Variants in IFI44 observed in about 807,000 individuals in gnomAD.
IFI44 encodes interferon induced protein 44, also known as interferon-induced protein 44.
IFI44 carries 42 observed loss-of-function variants against 45.0 expected under a neutral mutation model. The observed-to-expected ratio is 0.93, with a 90% CI of 0.73 to 1.21. IFI44 has a LOEUF of 1.21. IFI44 is among the 50% of genes most tolerant of loss of function. IFI44 has a pLI of 0.00. For synonymous variants in IFI44, 221 were observed against 188.6 expected, an observed-to-expected ratio of 1.17 and a Z score of -1.41; for missense variants, 623 against 525.8, an observed-to-expected ratio of 1.18 and a Z score of -1.81.
At position 78,655,194 on chromosome 1, in the gene IFI44, T is replaced by G. The variant is rs1291969736; in HGVS notation, c.675T>G (p.Thr225=). The change falls in exon 4 of 9, where the codon ACT becomes ACG. Residue 225 remains threonine, a synonymous_variant. Transcript: ENST00000370747. ...THQALVGTNT[T]GISEKYRTYS... Reference sequence around the variant, plus strand: ...AGGCTTTGGTGGGCACTAATACAACTGGGATATCTGAGAAGGTAAGCACAT... The same window carrying G: ...AGGCTTTGGTGGGCACTAATACAACGGGGATATCTGAGAAGGTAAGCACAT... 6.2e-7 allele frequency: 1 copy of G among 1,613,446 alleles called. No individual in the cohort carries two copies.
At chr1:78,660,478 T>C in intron 6 of IFI44, 76 bp from the exon 7 acceptor site, 1 of 1,080,458 alleles carries the variant, frequency 9.3e-7, no homozygotes, top group Non-Finnish European at 1.4e-6. Context: ...AGGTTGCCTA[T>C]TACATAATTG....
chr1:78,658,724 A>C (rs1647290932), intron 5 of IFI44, among the ~76,000 whole-genome samples: 1 of 152,168 alleles, frequency 6.6e-6, no homozygotes, highest in South Asian at 2.1e-4. Context: ...GTACATATAA[A>C]TTTGCTGCTA....
intron 7 of IFI44, chr1:78,662,497 G>C: frequency 1.9e-6 from 1 of 533,946 alleles, no homozygotes; most frequent in Non-Finnish European, 3.3e-6. Flanking sequence ...AGAATCCACT[G>C]CATGTATTCC....
intron 7 of IFI44, 65 bp downstream of exon 7, chr1:78,660,719 T>A (rs753230494): frequency 1.9e-6 from 2 of 1,049,100 alleles, no homozygotes; most frequent in Non-Finnish European, 3.0e-6. Context: ...CATACTAGTG[T>A]GTATAAAAAT....
chr1:78,662,583 T>A, intron 7 of IFI44, 121 bp from the exon 8 acceptor site: 1 of 742,154 alleles, frequency 1.3e-6, no homozygotes, highest in Non-Finnish European at 2.1e-6. Context: ...CAGATCTCCA[T>A]TTTTTTCCAA....
chr1:78,659,198 T>A (rs1021157658), intron 5 of IFI44, 114 bp from the exon 6 acceptor site: 7 of 808,274 alleles, frequency 8.7e-6, no homozygotes, highest in Non-Finnish European at 1.4e-5. Context: ...CCTCATACTA[T>A]TAGAGACTTT....
chr1:78,662,417 T>A (rs1647513932), intron 7 of IFI44, among the ~76,000 whole-genome samples: 1 of 152,200 alleles, frequency 6.6e-6, no homozygotes, highest in South Asian at 2.1e-4. Flanking sequence ...CAGAGAATGT[T>A]TTTTAAAAGA....
intron 2 of IFI44, among the ~76,000 whole-genome samples, chr1:78,652,136 C>T (rs951456602): frequency 2.0e-5 from 3 of 152,078 alleles, no homozygotes; most frequent in African/African-American, 7.2e-5. Flanking sequence ...GGCTGGAGCG[C>T]AGTGGCATGA....
chr1:78,660,739 C>G, intron 7 of IFI44, 85 bp downstream of exon 7: 2 of 908,560 alleles, frequency 2.2e-6, no homozygotes, highest in Non-Finnish European at 3.7e-6. Flanking sequence ...TAAAAACAAG[C>G]AGCTACTGGG....
rs1261013185 is a variant in IFI44, at chr1:78,654,994, A to C, written c.495-20A>C. ...CGACCTAACCTCAGTCAATTGTTAA[A>C]AACGGTCATGTCTAAACAGGCTCAG... On this transcript the variant is annotated intron_variant, in intron 3 of 8. Coordinates refer to ENST00000370747, the MANE Select transcript of IFI44 (RefSeq NM_006417.5). 2 of 1,523,640 alleles carry C rather than the reference A, an allele frequency of 1.3e-6. No homozygotes were observed. Among genetic ancestry groups the C allele is most frequent in the Non-Finnish European group, 1.8e-6 (2 of 1,133,436 alleles). 94.4% of individuals were successfully genotyped at this position (1,523,640 alleles called of 1,614,324 possible). A position where few individuals can be genotyped will look rare whatever the true frequency, so the allele number is the denominator to read the frequency against.
At chr1:78,663,688 T>C (rs1647602131) in intron 8 of IFI44, 77 bp from the exon 9 acceptor site, 1 of 1,568,224 alleles carries the variant, frequency 6.4e-7, no homozygotes, top group African/African-American at 1.4e-5. Flanking sequence ...AGATTTTCAG[T>C]GGTCCAATAT....
rs763285525 is a variant in IFI44, at chr1:78,659,401, A to G, written c.930A>G (p.Val310=). The G allele has an allele frequency of 1.2e-6, 2 of 1,612,414 alleles. No individual in the cohort carries two copies. The highest frequency in any genetic ancestry group is 1.7e-6 in the Non-Finnish European group (2 of 1,178,568). The change falls in exon 6 of 9, where the codon GTA becomes GTG. Residue 310 remains valine (V), a synonymous_variant. Coordinates refer to ENST00000370747, the MANE Select transcript of IFI44 (RefSeq NM_006417.5). ...LKDRIHCVAF[V]FDASSIQYFS... Reference sequence around the variant, plus strand: ...ACAGAATTCATTGTGTGGCATTTGTATTTGATGCCAGCTCTATTCAATACT... The same window carrying G: ...ACAGAATTCATTGTGTGGCATTTGTGTTTGATGCCAGCTCTATTCAATACT...
Position 78,659,336 on chromosome 1 carries a change from T to C in IFI44, c.865T>C (p.Leu289=), listed in dbSNP as rs763243835. 2 of 1,613,010 alleles carry C rather than the reference T, an allele frequency of 1.2e-6. No homozygotes were observed. Among genetic ancestry groups the C allele is most frequent in the Admixed American group, 1.7e-5 (1 of 59,984 alleles). The change falls in exon 6 of 9, where the codon TTA becomes CTA. Residue 289 remains leucine, a synonymous_variant. Coordinates refer to ENST00000370747, the MANE Select transcript of IFI44 (RefSeq NM_006417.5). ...YQFNPMESIK[L]NHHDYIDSPS... ...GTTTAATCCCATGGAATCAATCAAA[T>C]TAAATCATCATGACTACATTGATTC...
chr1:78,655,228 A>C lies in IFI44; in HGVS notation c.690+19A>C. The C allele has an allele frequency of 6.2e-7, 1 of 1,605,262 alleles. No homozygotes were observed. Among genetic ancestry groups the C allele is most frequent in the Non-Finnish European group, 8.5e-7 (1 of 1,175,390 alleles). On this transcript the variant is annotated intron_variant, in intron 4 of 8. Coordinates refer to ENST00000370747, the MANE Select transcript of IFI44 (RefSeq NM_006417.5). ...TGAGAAGGTAAGCACATTTGAGGCCACCTAGCCTTTGCTTCTCTGTTCAAA... is the reference window on the plus strand; with the variant it reads ...TGAGAAGGTAAGCACATTTGAGGCCCCCTAGCCTTTGCTTCTCTGTTCAAA...
chr1:78,654,102 T>A, intron 2 of IFI44, 141 bp from the exon 3 acceptor site: 1 of 645,696 alleles, frequency 1.5e-6, no homozygotes. Flanking sequence ...ACAAAATTGC[T>A]CCCTTTTCAC....
chr1:78,657,491 A>T (rs1288683527), intron 5 of IFI44, among the ~76,000 whole-genome samples: 4 of 152,046 alleles, frequency 2.6e-5, no homozygotes, highest in African/African-American at 4.8e-5. Context: ...ATTATATGAA[A>T]CCATGCACAA....
At chr1:78,663,025 G>T in intron 8 of IFI44, 147 bp downstream of exon 8, 1 of 1,508,300 alleles carries the variant, frequency 6.6e-7, no homozygotes, top group Non-Finnish European at 8.9e-7. Flanking sequence ...CTCCCTGGAT[G>T]CATTTTTCCC....
In IFI44 at chr1:78,650,605, A is replaced by G. The variant is rs1441742550; in HGVS notation, c.410A>G (p.Gln137Arg). ...LKTMENLGLAQNCTISIQDYE... is the reference protein window; with the variant it reads ...LKTMENLGLARNCTISIQDYE... The stretch of plus-strand genomic sequence containing the variant: ...ACAATGGAAAATCTTGGACTTGCTC[A>G]AAATTGTACTATCTCTATTCAGGAT... The change falls in exon 2 of 9, where the codon CAA becomes CGA. Residue 137 changes from glutamine to arginine, a missense_variant. Coordinates refer to ENST00000370747, the MANE Select transcript of IFI44 (RefSeq NM_006417.5). The G allele has an allele frequency of 3.7e-6, 6 of 1,609,488 alleles. No homozygotes were observed. Among genetic ancestry groups the G allele is most frequent in the Non-Finnish European group, 5.1e-6 (6 of 1,178,326 alleles).
At chr1:78,661,813 C>T (rs1200880911) in intron 7 of IFI44, among the ~76,000 whole-genome samples, 1 of 151,916 alleles carries the variant, frequency 6.6e-6, no homozygotes, top group Non-Finnish European at 1.5e-5. Flanking sequence ...AGAAATATTT[C>T]ACAAAATGAA....
Sources: gnomAD v4.1 joint callset for allele counts (sites outside exome capture counted in the v4.1 genomes callset) on GRCh38, gnomAD v4.1.1 for gene constraint, MANE v1.5 for transcripts, NCBI Gene and HGNC (gene_info 2026-07-23, HGNC 2026-07-21) for gene names.